PBX4: variants seen among roughly 807,000 people sequenced by gnomAD.
PBX4 encodes pre-B-cell leukemia transcription factor 4.
PBX4 carries 26 observed loss-of-function variants against 35.1 expected under a neutral mutation model. The ratio of observed to expected loss-of-function variants is 0.74; its 90% confidence interval spans 0.54 to 1.03. The LOEUF is 1.03. PBX4 is among the 50% of genes least tolerant of loss of function. The pLI, the probability that PBX4 is intolerant of heterozygous loss-of-function variation, is 0.00. For missense variants in PBX4, 448 were observed against 504.3 expected (o/e 0.89, Z 1.07); for synonymous variants, 199 against 204.2 (o/e 0.97, Z 0.22).
chr19:19,592,892 G>A (rs987167385), intron 2 of PBX4, among the ~76,000 whole-genome samples: 13 of 152,182 alleles, frequency 8.5e-5, no homozygotes, highest in Admixed American at 7.2e-4. Context: ...AGTGAGGACA[G>A]TGTACGGGGT....
At chr19:19,611,372 A>T (rs75251832) in intron 1 of PBX4, among the ~76,000 whole-genome samples, 2,241 of 152,252 alleles carry the variant, frequency 0.015, 73 homozygotes, top group South Asian at 0.071. Context: ...TGAGGTCATA[A>T]TAGTAAAAAT....
At chr19:19,609,685 C>T (rs865795062) in intron 1 of PBX4, among the ~76,000 whole-genome samples, 3 of 151,592 alleles carry the variant, frequency 2.0e-5, no homozygotes, top group Middle Eastern at 3.4e-3. Context: ...CCGGTCTCTA[C>T]TAAAAATACA....
intron 1 of PBX4, among the ~76,000 whole-genome samples, chr19:19,609,975 G>A (rs1216945254): frequency 1.3e-5 from 2 of 152,190 alleles, no homozygotes; most frequent in East Asian, 3.8e-4. Context: ...TCTGATAGAG[G>A]CACTCGGTAG....
Position 19,570,797 on chromosome 19 carries a change from G to A in PBX4, c.230C>T (p.Pro77Leu). The A allele has an allele frequency of 6.2e-7, 1 of 1,614,126 alleles. No homozygotes were observed. Among genetic ancestry groups the A allele is most frequent in the Non-Finnish European group, 8.5e-7 (1 of 1,180,032 alleles). The stretch of plus-strand genomic sequence containing the variant: ...ATCCAGCCTCAGGAGCTGGGCGTCA[G>A]GGGGATCTTCGTCTTGAATGCCACG... ...SIRGIQDEDPPDAQLLRLDNM... is the reference protein window; with the variant it reads ...SIRGIQDEDPLDAQLLRLDNM... The change falls in exon 3 of 8, where the codon CCT becomes CTT. Residue 77 changes from proline to leucine, a missense_variant. Transcript: ENST00000251203.
intron 2 of PBX4, chr19:19,588,496 C>G: frequency 1.6e-6 from 1 of 609,638 alleles, no homozygotes; most frequent in Non-Finnish European, 3.0e-6. Context: ...CCAGGCTGGT[C>G]TCGAACTCCT....
chr19:19,564,797 T>C, intron 6 of PBX4, 136 bp downstream of exon 6: 1 of 1,123,164 alleles, frequency 8.9e-7, no homozygotes, highest in Admixed American at 2.2e-5. Context: ...ACTCTCACAG[T>C]TGAAACAGAA....
intron 2 of PBX4, among the ~76,000 whole-genome samples, chr19:19,587,377 C>T (rs975901141): frequency 8.6e-5 from 13 of 151,820 alleles, no homozygotes; most frequent in Non-Finnish European, 1.3e-4. Flanking sequence ...CACCTGAGGT[C>T]GGGAGTTTGA....
At position 19,563,029 on chromosome 19, in the gene PBX4, C is replaced by T. The variant is rs1291489864; in HGVS notation, c.1032+480G>A. 1.3e-5 allele frequency among the ~76,000 whole-genome samples: 2 copies of T among 152,174 alleles called. No individual in the cohort carries two copies. Among genetic ancestry groups the T allele is most frequent in the East Asian group, 3.8e-4 (2 of 5,196 alleles). On this transcript the variant is annotated intron_variant, in intron 7 of 7. Coordinates refer to ENST00000251203, the MANE Select transcript of PBX4 (RefSeq NM_025245.3). This position sits in a 1 kb window ranked among gnomAD's most constrained non-coding sequence, Gnocchi z 5.1. ...CTGGCACACACCACACACACAGCCT[C>T]GTGCCTGTGCTGGGCACATGACACC...
Position 19,570,389 on chromosome 19 carries a change from C to T in PBX4, c.442-90G>A, listed in dbSNP as rs953559691. 6 of 1,471,524 alleles carry T rather than the reference C, an allele frequency of 4.1e-6. No homozygotes were observed. In the Admixed American group the frequency reaches 8.6e-5, roughly 21 times the overall value. 91.2% of individuals were successfully genotyped at this position (1,471,524 alleles called of 1,614,324 possible). A position where few individuals can be genotyped will look rare whatever the true frequency, so the allele number is the denominator to read the frequency against. On this transcript the variant is annotated intron_variant, in intron 3 of 7. Transcript: ENST00000251203. ...TCCACAGCGGAGCAGCCGCCTGCCA[C>T]CCCCTGTAGTTCACACACCGGCGGG...
At chr19:19,614,674 A>G (rs2061679427) in intron 1 of PBX4, among the ~76,000 whole-genome samples, 1 of 152,034 alleles carries the variant, frequency 6.6e-6, no homozygotes, top group Non-Finnish European at 1.5e-5. Flanking sequence ...AAAAACCCAA[A>G]CCAAACCAAA....
chr19:19,593,821 T>G (rs772001730), intron 2 of PBX4, among the ~76,000 whole-genome samples: 10 of 152,116 alleles, frequency 6.6e-5, no homozygotes, highest in Non-Finnish European at 1.2e-4. Flanking sequence ...GGGACTCAGC[T>G]TGGAGGAATC....
chr19:19,591,270 AAGCCCCATG>A (rs764946123), intron 2 of PBX4, among the ~76,000 whole-genome samples: 4 of 152,168 alleles, frequency 2.6e-5, no homozygotes, highest in Non-Finnish European at 5.9e-5. Context: ...GGACCCAGGA[AAGCCCCATG>A]AGCACCATGA....
chr19:19,594,804 C>G (rs1160297236), intron 2 of PBX4, among the ~76,000 whole-genome samples: 1 of 152,132 alleles, frequency 6.6e-6, no homozygotes, highest in African/African-American at 2.4e-5. Flanking sequence ...TCACTGCAAC[C>G]TCTGCCTCCT....
chr19:19,603,966 A>G (rs2061613565), intron 1 of PBX4, among the ~76,000 whole-genome samples: 2 of 151,738 alleles, frequency 1.3e-5, no homozygotes, highest in South Asian at 4.2e-4. Context: ...AAAAAAAAAA[A>G]AAAGAATAGG....
intron 1 of PBX4, among the ~76,000 whole-genome samples, chr19:19,603,723 G>A (rs1051442165): frequency 6.6e-6 from 1 of 152,166 alleles, no homozygotes; most frequent in Non-Finnish European, 1.5e-5. Flanking sequence ...TTGGGAGACT[G>A]ATGTGGGCAG....
At position 19,569,604 on chromosome 19, in the gene PBX4, C is replaced by G; in HGVS notation, c.633-20G>C. On this transcript the variant is annotated intron_variant, in intron 4 of 7. Coordinates refer to ENST00000251203, the MANE Select transcript of PBX4 (RefSeq NM_025245.3). ...TTGCGCCTGCAAAAACAGCCGCCTTCGTAGGCATTAATATGCTGGGACTCC... is the reference window on the plus strand; with the variant it reads ...TTGCGCCTGCAAAAACAGCCGCCTTGGTAGGCATTAATATGCTGGGACTCC... The G allele has an allele frequency of 1.2e-6, 2 of 1,611,616 alleles. No individual in the cohort carries two copies. The highest frequency in any genetic ancestry group is 8.5e-7 in the Non-Finnish European group (1 of 1,178,812).
At chr19:19,574,791 C>T (rs1805449555) in intron 2 of PBX4, among the ~76,000 whole-genome samples, 2 of 152,012 alleles carry the variant, frequency 1.3e-5, no homozygotes, top group Admixed American at 6.6e-5. Context: ...TGCGCCACCA[C>T]GCCTGGCTAA....
At chr19:19,600,333 C>T (rs1042512094) in intron 1 of PBX4, among the ~76,000 whole-genome samples, 3 of 151,958 alleles carry the variant, frequency 2.0e-5, no homozygotes, top group South Asian at 2.1e-4. Context: ...TTAAGATCGG[C>T]CTGGGCAACA....
At chr19:19,569,664 T>C in intron 4 of PBX4, 80 bp from the exon 5 acceptor site, 2 of 1,504,782 alleles carry the variant, frequency 1.3e-6, no homozygotes, top group Non-Finnish European at 1.8e-6. Flanking sequence ...GAGTATGATT[T>C]TCCAGTAGTT....
Sources: allele counts gnomAD v4.1 joint callset (sites outside exome capture counted in the v4.1 genomes callset), GRCh38; gene constraint gnomAD v4.1.1; non-coding constraint Gnocchi (gnomAD v3.1); transcripts MANE v1.5; gene names NCBI Gene and HGNC (gene_info 2026-07-23, HGNC 2026-07-21).